Variants in ITPK1 observed in about 807,000 individuals in gnomAD.
ITPK1 encodes inositol-tetrakisphosphate 1-kinase.
Under a neutral mutation model 45.3 loss-of-function variants are expected in ITPK1, and 21 were observed. That is an observed-to-expected ratio of 0.46 (90% CI 0.33 to 0.67). ITPK1 has a LOEUF of 0.67. ITPK1 is among the 30% of genes least tolerant of loss of function. The probability of loss-of-function intolerance (pLI) is 0.02; values close to 1 mark genes in which losing one functional copy is unlikely to be tolerated. For missense variants in ITPK1, 474 were observed against 573.5 expected (o/e 0.83, Z 1.77); for synonymous variants, 258 against 253.6 (o/e 1.02, Z -0.16).
chr14:93,097,484 G>A (rs1892126161), intron 2 of ITPK1, among the ~76,000 whole-genome samples: 1 of 152,154 alleles, frequency 6.6e-6, no homozygotes, highest in African/African-American at 2.4e-5. Flanking sequence ...ACTGCAAGCT[G>A]ACCACACACA....
At chr14:92,947,340 C>T (rs117933572) in intron 9 of ITPK1, among the ~76,000 whole-genome samples, 1,814 of 152,336 alleles carry the variant, frequency 0.012, 34 homozygotes, top group Non-Finnish European at 0.013. Flanking sequence ...TCCCTCCCAG[C>T]CCGGCACTCC....
intron 3 of ITPK1, among the ~76,000 whole-genome samples, chr14:93,061,814 C>A (rs1024700994): frequency 1.3e-5 from 2 of 152,218 alleles, no homozygotes; most frequent in African/African-American, 4.8e-5. Flanking sequence ...AGACCAGAAC[C>A]ATGGTCAGCA....
chr14:93,040,139 C>T (rs1383120927), intron 3 of ITPK1, among the ~76,000 whole-genome samples: 1 of 152,232 alleles, frequency 6.6e-6, no homozygotes, highest in East Asian at 1.9e-4. Context: ...ACCGCATATC[C>T]ACACGTCTGG....
At chr14:92,968,258 G>A (rs957551093) in intron 5 of ITPK1, among the ~76,000 whole-genome samples, 2 of 152,140 alleles carry the variant, frequency 1.3e-5, no homozygotes, top group Non-Finnish European at 2.9e-5. Flanking sequence ...TTGAACCCGG[G>A]AGGCGGAGGT....
At chr14:93,001,064 G>A (rs942294275) in intron 4 of ITPK1, among the ~76,000 whole-genome samples, 1 of 151,394 alleles carries the variant, frequency 6.6e-6, no homozygotes, top group African/African-American at 2.4e-5. Flanking sequence ...AGTATCACAA[G>A]GTCAGGAGTT....
In ITPK1 at chr14:92,942,423, G is replaced by A. The variant is rs1379028529; in HGVS notation, c.902-519C>T. Among the ~76,000 whole-genome samples the A allele has an allele frequency of 4.6e-5, 7 of 152,264 alleles. 1 individual carries two copies. Among genetic ancestry groups the A allele is most frequent in the South Asian group, 4.1e-4 (2 of 4,822 alleles). The stretch of plus-strand genomic sequence containing the variant: ...TGCAAACTGAGAAGAGAAGGCTGCC[G>A]CCCAGGTGGAGGCTGCTGTGGCACT... On this transcript the variant is annotated intron_variant, in intron 10 of 10. Transcript: ENST00000267615.
intron 3 of ITPK1, among the ~76,000 whole-genome samples, chr14:93,021,163 TA>T (rs1888442175): frequency 6.6e-6 from 1 of 152,040 alleles, no homozygotes; most frequent in African/African-American, 2.4e-5. Flanking sequence ...AAGTCTGACT[TA>T]TTCCTCTGCC....
Position 93,034,432 on chromosome 14 carries a change from G to A in ITPK1, c.121-17631C>T, listed in dbSNP as rs1031409689. Among the ~76,000 whole-genome samples, 2 of 152,168 alleles carry A rather than the reference G, an allele frequency of 1.3e-5. No individual in the cohort carries two copies. The highest frequency in any genetic ancestry group is 2.1e-4 in the South Asian group (1 of 4,830). ...ACAGGCCTCCTCAGAGGGCGACTCC[G>A]GCCCCTCTGCCCAGTCTGTGCCTTC... On this transcript the variant is annotated intron_variant, in intron 3 of 10. Transcript: ENST00000267615. This position sits in a 1 kb window ranked among gnomAD's most constrained non-coding sequence, Gnocchi z 4.1.
At chr14:93,091,096 T>A (rs867936374) in intron 2 of ITPK1, among the ~76,000 whole-genome samples, 1 of 152,198 alleles carries the variant, frequency 6.6e-6, no homozygotes, top group Admixed American at 6.5e-5. Context: ...GGAAGGCAGA[T>A]GGCCTCTCAG....
intron 4 of ITPK1, among the ~76,000 whole-genome samples, chr14:92,996,553 C>T (rs1034379609): frequency 1.3e-4 from 19 of 151,376 alleles, no homozygotes; most frequent in Non-Finnish European, 1.5e-5. Flanking sequence ...GCACGTTGTG[C>T]ACATGTACCC....
chr14:93,028,398 G>A (rs186359625), intron 3 of ITPK1, among the ~76,000 whole-genome samples: 4 of 152,292 alleles, frequency 2.6e-5, no homozygotes, highest in African/African-American at 4.8e-5. Context: ...GCCTGTTGAC[G>A]AGCTCTCCAG....
chr14:92,955,968 C>T (rs531332959), intron 8 of ITPK1, among the ~76,000 whole-genome samples: 18 of 152,306 alleles, frequency 1.2e-4, no homozygotes, highest in Non-Finnish European at 2.1e-4. Flanking sequence ...AGAGGACCCA[C>T]GTTAGCTCCC....
At chr14:93,090,486 G>A (rs1286030369) in intron 2 of ITPK1, among the ~76,000 whole-genome samples, 2 of 152,138 alleles carry the variant, frequency 1.3e-5, no homozygotes, top group South Asian at 2.1e-4. Flanking sequence ...AGTCCACTTC[G>A]TGCCAACCCT....
At position 93,072,678 on chromosome 14, in the gene ITPK1, G is replaced by T. The variant is rs145608884; in HGVS notation, c.120+3917C>A. Among the ~76,000 whole-genome samples the T allele has an allele frequency of 2.8e-3, 420 of 149,350 alleles. 2 individuals carry two copies. Among genetic ancestry groups the T allele is most frequent in the Non-Finnish European group, 5.0e-3 (337 of 67,736 alleles). ...CACCCAGGCTGAAGTGCAGTGGCAC[G>T]ATCTCAGTTCACTGCAGCCTCGACC... On this transcript the variant is annotated intron_variant, in intron 3 of 10. Coordinates refer to ENST00000267615, the MANE Select transcript of ITPK1 (RefSeq NM_014216.6).
chr14:93,097,720 A>G (rs1892137942), intron 2 of ITPK1, among the ~76,000 whole-genome samples: 1 of 152,248 alleles, frequency 6.6e-6, no homozygotes, highest in African/African-American at 2.4e-5. Context: ...AGAAAATGGG[A>G]AAAATCGGCC....
In ITPK1 at chr14:92,941,697, G is replaced by A. The variant is rs751421795; in HGVS notation, c.1109C>T (p.Ala370Val). Reference protein sequence around the residue: ...GCCGSMMGQDAPWKAEADAGG... With the variant: ...GCCGSMMGQDVPWKAEADAGG... ...CGCGTCGGCCTCAGCCTTCCAGGGC[G>A]CGTCCTGGCCCATCATGCTGCCGCA... The change falls in exon 11 of 11, where the codon GCG becomes GTG. Residue 370 changes from alanine to valine, a missense_variant. Around this residue, in one of 2 missense-constraint regions of ITPK1, gnomAD observed 107 missense variants for 92.9 expected, o/e 1.15. Transcript: ENST00000267615. 2.9e-5 allele frequency: 46 copies of A among 1,559,454 alleles called. No homozygotes were observed. Among genetic ancestry groups the A allele is most frequent in the South Asian group, 5.8e-5 (5 of 86,014 alleles).
chr14:93,010,612 G>A (rs368026062), intron 4 of ITPK1, among the ~76,000 whole-genome samples: 2 of 152,230 alleles, frequency 1.3e-5, no homozygotes, highest in African/African-American at 2.4e-5. Context: ...TGCATCTCCC[G>A]TTTGGGGACA....
At chr14:93,090,680 A>T (rs1199931022) in intron 2 of ITPK1, among the ~76,000 whole-genome samples, 1 of 152,192 alleles carries the variant, frequency 6.6e-6, no homozygotes, top group Non-Finnish European at 1.5e-5. Context: ...ATGAGGAATA[A>T]AACTCCAGGG....
At chr14:93,044,840 C>T (rs942112533) in intron 3 of ITPK1, among the ~76,000 whole-genome samples, 2 of 152,202 alleles carry the variant, frequency 1.3e-5, no homozygotes, top group African/African-American at 2.4e-5. Flanking sequence ...GACGGACTAG[C>T]GTGGGCCGCA....
Sources: gnomAD v4.1 joint callset for allele counts (sites outside exome capture counted in the v4.1 genomes callset) on GRCh38, gnomAD v4.1.1 for gene constraint, gnomAD v4.1.1 regional missense constraint, Gnocchi (gnomAD v3.1) non-coding constraint, MANE v1.5 for transcripts, NCBI Gene and HGNC (gene_info 2026-07-23, HGNC 2026-07-21) for gene names.